Variants in OGDH observed in about 807,000 individuals in gnomAD.
OGDH encodes the protein 2-oxoglutarate dehydrogenase complex component E1.
In OGDH, 38 loss-of-function variants were observed where a neutral mutation model predicts 116.6. That is an observed-to-expected ratio of 0.33 (90% confidence interval 0.25 to 0.43). The LOEUF (loss-of-function observed/expected upper bound fraction) is 0.43, where lower values mean the gene tolerates loss of function less well. Among genes scored for constraint, OGDH ranks in the 20% least tolerant of loss-of-function variants. OGDH has a pLI of 1.00. For missense variants in OGDH, 825 were observed against 1,357.2 expected (o/e 0.61, Z 6.16); for synonymous variants, 488 against 533.3 (o/e 0.92, Z 1.17).
chr7:44,648,393 C>T (rs1488034963), intron 4 of OGDH, among the ~76,000 whole-genome samples: 1 of 152,236 alleles, frequency 6.6e-6, no homozygotes, highest in Admixed American at 6.5e-5. Flanking sequence ...CCTACACCCC[C>T]TCCTCCTCAT....
intron 1 of OGDH, among the ~76,000 whole-genome samples, chr7:44,618,048 G>C (rs571867802): frequency 6.6e-6 from 1 of 152,240 alleles, no homozygotes; most frequent in African/African-American, 2.4e-5. Flanking sequence ...CGTTTCCTAA[G>C]GGCAGGGCGT....
At chr7:44,608,450 G>C (rs1267213351) in intron 1 of OGDH, among the ~76,000 whole-genome samples, 4 of 152,002 alleles carry the variant, frequency 2.6e-5, no homozygotes, top group Non-Finnish European at 5.9e-5. Flanking sequence ...TGTAATCCTA[G>C]CACTTTGGGA....
intron 2 of OGDH, among the ~76,000 whole-genome samples, chr7:44,624,824 G>T (rs898113797): frequency 7.3e-5 from 11 of 151,644 alleles, no homozygotes; most frequent in African/African-American, 2.2e-4. Flanking sequence ...CAGCATCTCC[G>T]CAAGGGCTGC....
chr7:44,662,534 C>T (rs577539584), intron 4 of OGDH, among the ~76,000 whole-genome samples: 1 of 150,232 alleles, frequency 6.7e-6, no homozygotes, highest in African/African-American at 2.5e-5. Flanking sequence ...GCAATCTCTG[C>T]TCACTGCAAC....
chr7:44,613,273 T>G lies in OGDH; in HGVS notation c.-28+6620T>G, dbSNP rs149592627. Among the ~76,000 whole-genome samples, 36 of 152,274 alleles carry G rather than the reference T, an allele frequency of 2.4e-4. No homozygotes were observed. The East Asian group carries it at 6.8e-3, about 29-fold the overall frequency. ...TCACTGCAACCTCTGCCTCCCAGAT[T>G]CATGTTATTCTCTCACCTCGGCCTC... On this transcript the variant is annotated intron_variant, in intron 1 of 22. Transcript: ENST00000222673.
chr7:44,687,547 C>G (rs773984438), intron 10 of OGDH, among the ~76,000 whole-genome samples: 23 of 152,088 alleles, frequency 1.5e-4, no homozygotes, highest in Non-Finnish European at 2.8e-4. Flanking sequence ...TCCTCAGTAG[C>G]TGGGACTATG....
chr7:44,643,617 A>C (rs375016041), intron 2 of OGDH, among the ~76,000 whole-genome samples: 1 of 152,180 alleles, frequency 6.6e-6, no homozygotes, highest in Non-Finnish European at 1.5e-5. Context: ...CAGCATTATA[A>C]AAGAACCTGT....
intron 9 of OGDH, among the ~76,000 whole-genome samples, chr7:44,678,641 A>G (rs563432086): frequency 3.1e-4 from 47 of 152,182 alleles, no homozygotes; most frequent in Non-Finnish European, 5.4e-4. Flanking sequence ...CCTTGCCCCA[A>G]TGTGGATAGC....
intron 5 of OGDH, among the ~76,000 whole-genome samples, chr7:44,667,232 T>C (rs1449727038): frequency 1.3e-5 from 2 of 152,176 alleles, no homozygotes; most frequent in Non-Finnish European, 2.9e-5. Flanking sequence ...ATTACAAACA[T>C]GAACCTGTCT....
At chr7:44,675,912 C>G (rs1787672197) in intron 8 of OGDH, 58 bp from the exon 9 acceptor site, 1 of 1,568,098 alleles carries the variant, frequency 6.4e-7, no homozygotes, top group East Asian at 2.3e-5. Context: ...TAAAAGGGCT[C>G]TTTTGGAGAC....
chr7:44,649,245 G>GTT lies in OGDH; in HGVS notation c.517+1507_517+1508dup, dbSNP rs373846462. 8.7e-3 allele frequency among the ~76,000 whole-genome samples: 854 copies of GTT among 97,632 alleles called. 10 individuals are homozygous for GTT. Among genetic ancestry groups the GTT allele is most frequent in the East Asian group, 0.029 (88 of 3,000 alleles). 64.1% of individuals were successfully genotyped at this position (97,632 alleles called of 152,430 possible). A position where few individuals can be genotyped will look rare whatever the true frequency, so the allele number is the denominator to read the frequency against. ...AGCTGCGGAATGCTCATTTTCTGTT[G>GTT]TTTTTTTTTTTTTTTTTTTTTTGAG... is the stretch of plus-strand genomic sequence containing the variant. On this transcript the variant is annotated intron_variant, in intron 4 of 22. Transcript: ENST00000222673.
chr7:44,619,762 T>G (rs923286109), intron 1 of OGDH, among the ~76,000 whole-genome samples: 3 of 152,166 alleles, frequency 2.0e-5, no homozygotes, highest in African/African-American at 7.2e-5. Flanking sequence ...ACATTTTCAT[T>G]TCTCTTGATT....
At chr7:44,676,273 C>A in intron 9 of OGDH, 124 bp downstream of exon 9, 2 of 1,547,550 alleles carry the variant, frequency 1.3e-6, no homozygotes, top group South Asian at 2.3e-5. Context: ...TATTTAAAGT[C>A]GGCCGGGCGC....
chr7:44,702,946 T>C (rs1467734669), intron 20 of OGDH, among the ~76,000 whole-genome samples: 1 of 152,194 alleles, frequency 6.6e-6, no homozygotes, highest in Non-Finnish European at 1.5e-5. Context: ...TTTACCATTT[T>C]GACCATTTTT....
intron 10 of OGDH, among the ~76,000 whole-genome samples, chr7:44,689,392 CTTTTTTTTT>C (rs561058807): frequency 1.5e-4 from 11 of 71,220 alleles, no homozygotes; most frequent in African/African-American, 5.3e-4. Context: ...ATTTTTTTTT[CTTTTTTTTT>C]TTTTTTTTTT....
intron 2 of OGDH, among the ~76,000 whole-genome samples, chr7:44,633,608 C>T (rs1163933441): frequency 2.0e-5 from 3 of 152,312 alleles, no homozygotes; most frequent in South Asian, 2.1e-4. Context: ...TATCTCTTCG[C>T]GTCCATGATT....
chr7:44,648,942 C>T (rs1786311885), intron 4 of OGDH, among the ~76,000 whole-genome samples: 1 of 152,100 alleles, frequency 6.6e-6, no homozygotes, highest in Non-Finnish European at 1.5e-5. Context: ...CCTCTCTTTG[C>T]AGTGTCCCCG....
intron 4 of OGDH, among the ~76,000 whole-genome samples, chr7:44,648,416 G>A (rs1585283257): frequency 6.6e-6 from 1 of 152,198 alleles, no homozygotes; most frequent in Non-Finnish European, 1.5e-5. Context: ...AGTGAGGTGG[G>A]TGTTGTGGCT....
intron 2 of OGDH, among the ~76,000 whole-genome samples, chr7:44,634,399 T>A (rs577733900): frequency 6.6e-6 from 1 of 152,322 alleles, no homozygotes; most frequent in East Asian, 1.9e-4. Context: ...CTTTTCATAA[T>A]GACCTGATAG....
Sources: gnomAD v4.1 joint callset for allele counts (sites outside exome capture counted in the v4.1 genomes callset) on GRCh38, gnomAD v4.1.1 for gene constraint, MANE v1.5 for transcripts, NCBI Gene and HGNC (gene_info 2026-07-23, HGNC 2026-07-21) for gene names.